CNTN3: variants seen among roughly 807,000 people sequenced by gnomAD.
The protein encoded by CNTN3 is contactin-3.
In CNTN3, 60 loss-of-function variants were observed where a neutral mutation model predicts 119.1. The ratio of observed to expected loss-of-function variants is 0.50; its 90% confidence interval spans 0.41 to 0.62. CNTN3 has a LOEUF of 0.62. Among genes scored for constraint, CNTN3 ranks in the 20% least tolerant of loss-of-function variants. The pLI, the probability that CNTN3 is intolerant of heterozygous loss-of-function variation, is 0.00. For missense variants in CNTN3, 1,101 were observed against 1,242.4 expected (o/e 0.89, Z 1.71); for synonymous variants, 450 against 438.7 (o/e 1.03, Z -0.32).
intron 11 of CNTN3, among the ~76,000 whole-genome samples, chr3:74,347,894 T>C (rs749894500): frequency 1.4e-4 from 21 of 152,232 alleles, no homozygotes; most frequent in Non-Finnish European, 2.4e-4. Context: ...AAGATCCTGC[T>C]ATTTGTCACA....
chr3:74,376,129 C>T (rs759939123), intron 5 of CNTN3, among the ~76,000 whole-genome samples: 1 of 152,156 alleles, frequency 6.6e-6, no homozygotes, highest in Non-Finnish European at 1.5e-5. Context: ...TCCCCTGGAG[C>T]CCCAAGGAAC....
rs1002106869 is a variant in CNTN3, at chr3:74,262,620, T to C, written c.*1781A>G. On this transcript the variant is annotated 3_prime_UTR_variant, in exon 23 of 23. Coordinates refer to ENST00000263665, the MANE Select transcript of CNTN3 (RefSeq NM_020872.3). ...AGAAAATAATACATACAGATAACCA[T>C]AGGATACACACACAGGAATTGAAAG... is the stretch of plus-strand genomic sequence containing the variant. The C allele has an allele frequency of 2.0e-5, 3 of 152,498 alleles. No individual in the cohort carries two copies. Among genetic ancestry groups the C allele is most frequent in the Non-Finnish European group, 4.4e-5 (3 of 68,000 alleles). 9.4% of individuals were successfully genotyped at this position (152,498 alleles called of 1,614,324 possible). A position where few individuals can be genotyped will look rare whatever the true frequency, so the allele number is the denominator to read the frequency against.
At chr3:74,402,020 A>G (rs1449784881) in intron 5 of CNTN3, among the ~76,000 whole-genome samples, 1 of 152,236 alleles carries the variant, frequency 6.6e-6, no homozygotes, top group Non-Finnish European at 1.5e-5. Context: ...GATGCTCCCC[A>G]GGAACAGAGG....
chr3:74,354,241 G>A (rs2106755036), intron 11 of CNTN3, among the ~76,000 whole-genome samples: 1 of 152,112 alleles, frequency 6.6e-6, no homozygotes, highest in African/African-American at 2.4e-5. Flanking sequence ...ATTTTAATGT[G>A]TTAATTAGAA....
chr3:74,532,681 G>A (rs1468163941), intron 1 of CNTN3, among the ~76,000 whole-genome samples: 2 of 151,918 alleles, frequency 1.3e-5, no homozygotes, highest in Non-Finnish European at 2.9e-5. Flanking sequence ...AATGGTGTGA[G>A]ATTTCATCAC....
At chr3:74,554,392 G>A (rs921139841) in intron 1 of CNTN3, among the ~76,000 whole-genome samples, 1 of 152,090 alleles carries the variant, frequency 6.6e-6, no homozygotes, top group African/African-American at 2.4e-5. Context: ...GATTGTCTTG[G>A]CTATGGGGCT....
At chr3:74,491,617 G>A (rs188123721) in intron 3 of CNTN3, among the ~76,000 whole-genome samples, 1 of 152,248 alleles carries the variant, frequency 6.6e-6, no homozygotes, top group Admixed American at 6.5e-5. Flanking sequence ...CATTTTCTTT[G>A]CAGGAAACTG....
intron 13 of CNTN3, among the ~76,000 whole-genome samples, chr3:74,328,886 G>A (rs1703193476): frequency 6.6e-6 from 1 of 152,118 alleles, no homozygotes; most frequent in South Asian, 2.1e-4. Flanking sequence ...ATTTGTTTCT[G>A]GGTACATTCT....
chr3:74,400,725 G>A (rs1178756756), intron 5 of CNTN3, among the ~76,000 whole-genome samples: 1 of 152,066 alleles, frequency 6.6e-6, no homozygotes, highest in East Asian at 1.9e-4. Context: ...TCTGTACAAA[G>A]CATAAAATTA....
intron 3 of CNTN3, among the ~76,000 whole-genome samples, chr3:74,487,198 G>C (rs1362022637): frequency 1.3e-5 from 2 of 152,028 alleles, no homozygotes; most frequent in African/African-American, 2.4e-5. Context: ...CTACCTAGGG[G>C]GTCGGAAAAG....
intron 5 of CNTN3, among the ~76,000 whole-genome samples, chr3:74,377,232 A>G (rs1191272580): frequency 6.6e-6 from 1 of 152,134 alleles, no homozygotes; most frequent in East Asian, 1.9e-4. Flanking sequence ...AATGAAACAT[A>G]ACTTTTATGT....
At chr3:74,414,521 T>C (rs895403300) in intron 5 of CNTN3, among the ~76,000 whole-genome samples, 1 of 152,192 alleles carries the variant, frequency 6.6e-6, no homozygotes, top group Non-Finnish European at 1.5e-5. Flanking sequence ...AAGACTCTCC[T>C]GGGTCACTGA....
chr3:74,279,717 A>G (rs935817871), intron 20 of CNTN3, among the ~76,000 whole-genome samples: 1 of 152,144 alleles, frequency 6.6e-6, no homozygotes. Flanking sequence ...GGGTGCACCA[A>G]AATCTCACAA....
At chr3:74,519,941 T>C (rs181469835) in intron 2 of CNTN3, among the ~76,000 whole-genome samples, 209 of 151,762 alleles carry the variant, frequency 1.4e-3, no homozygotes, top group African/African-American at 4.7e-3. Flanking sequence ...TATATTATCA[T>C]GTAAATATTT....
chr3:74,323,997 A>G (rs1703065368), intron 13 of CNTN3, among the ~76,000 whole-genome samples: 1 of 152,120 alleles, frequency 6.6e-6, no homozygotes, highest in African/African-American at 2.4e-5. Context: ...ACTCTCTTAG[A>G]ACTTTCAGAG....
intron 20 of CNTN3, 98 bp from the exon 21 acceptor site, chr3:74,267,476 G>A (rs1701685116): frequency 1.3e-6 from 1 of 787,516 alleles, no homozygotes; most frequent in African/African-American, 1.7e-5. Context: ...AGTGGAAGTA[G>A]AACGGGATGC....
chr3:74,311,146 G>T (rs1298029015), intron 13 of CNTN3, among the ~76,000 whole-genome samples: 1 of 152,142 alleles, frequency 6.6e-6, no homozygotes, highest in Non-Finnish European at 1.5e-5. Context: ...ACCAGAGAAA[G>T]AACTCCCAAT....
At chr3:74,593,633 A>G (rs891418457) in intron 1 of CNTN3, among the ~76,000 whole-genome samples, 1 of 151,940 alleles carries the variant, frequency 6.6e-6, no homozygotes, top group African/African-American at 2.4e-5. Flanking sequence ...CACAAGAGTT[A>G]TGACAGGTTG....
intron 5 of CNTN3, among the ~76,000 whole-genome samples, chr3:74,382,954 C>T (rs776751508): frequency 6.6e-6 from 1 of 152,234 alleles, no homozygotes; most frequent in African/African-American, 2.4e-5. Flanking sequence ...TGATACTTTC[C>T]TATCAATTGC....
Sources: allele counts gnomAD v4.1 joint callset (sites outside exome capture counted in the v4.1 genomes callset), GRCh38; gene constraint gnomAD v4.1.1; transcripts MANE v1.5; gene names NCBI Gene and HGNC (gene_info 2026-07-23, HGNC 2026-07-21).